HS6ST3: variants seen among roughly 807,000 people sequenced by gnomAD.
HS6ST3 encodes the protein heparan-sulfate 6-O-sulfotransferase 3.
HS6ST3 carries 12 observed loss-of-function variants against 36.7 expected under a neutral mutation model. That is an observed-to-expected ratio of 0.33 (90% CI 0.21 to 0.53). HS6ST3 has a LOEUF of 0.53. Ranked by LOEUF, HS6ST3 falls within the 20% of genes least tolerant of loss-of-function variation. The pLI, the probability that HS6ST3 is intolerant of heterozygous loss-of-function variation, is 0.95. For synonymous variants in HS6ST3, 240 were observed against 257.5 expected (o/e 0.93, Z 0.65); for missense variants, 584 against 640.9 (o/e 0.91, Z 0.96).
intron 1 of HS6ST3, among the ~76,000 whole-genome samples, chr13:96,446,276 T>A (rs937903568): frequency 6.6e-6 from 1 of 152,200 alleles, no homozygotes. Context: ...AAAGTTGAGT[T>A]CCAAAGTAAG....
intron 1 of HS6ST3, among the ~76,000 whole-genome samples, chr13:96,408,884 A>G (rs978000768): frequency 3.3e-5 from 5 of 152,192 alleles, no homozygotes; most frequent in East Asian, 3.8e-4. Context: ...AGATGGTGCC[A>G]CTGCACTCCA....
intron 1 of HS6ST3, among the ~76,000 whole-genome samples, chr13:96,266,045 AT>A (rs909351187): frequency 2.0e-5 from 3 of 151,168 alleles, no homozygotes; most frequent in Non-Finnish European, 3.0e-5. Flanking sequence ...TTGCAGGGTT[AT>A]TTTTTTTTAA....
chr13:96,253,096 T>C (rs1269255101), intron 1 of HS6ST3, among the ~76,000 whole-genome samples: 1 of 152,016 alleles, frequency 6.6e-6, no homozygotes, highest in Non-Finnish European at 1.5e-5. Flanking sequence ...TGCTAGGGTA[T>C]GTGTTGGCTG....
chr13:96,425,369 T>G (rs2055581557), intron 1 of HS6ST3, among the ~76,000 whole-genome samples: 1 of 152,200 alleles, frequency 6.6e-6, no homozygotes, highest in African/African-American at 2.4e-5. Flanking sequence ...AATCTCTCTT[T>G]GGCATATATG....
intron 1 of HS6ST3, among the ~76,000 whole-genome samples, chr13:96,148,029 A>T (rs2054066497): frequency 6.6e-6 from 1 of 152,210 alleles, no homozygotes; most frequent in Non-Finnish European, 1.5e-5. Context: ...TGATGACCCA[A>T]AAATTGGGTA....
chr13:96,700,006 T>C (rs1160352101), intron 1 of HS6ST3, among the ~76,000 whole-genome samples: 1 of 152,228 alleles, frequency 6.6e-6, no homozygotes, highest in Non-Finnish European at 1.5e-5. Context: ...ATTAGCCTTC[T>C]TGGTGACAAT....
chr13:96,329,135 C>T (rs2055050180), intron 1 of HS6ST3, among the ~76,000 whole-genome samples: 1 of 149,340 alleles, frequency 6.7e-6, no homozygotes, highest in Non-Finnish European at 1.5e-5. Flanking sequence ...AAAACCAGCT[C>T]CCGGATTCAT....
At chr13:96,100,828 A>G (rs1384914125) in intron 1 of HS6ST3, among the ~76,000 whole-genome samples, 2 of 152,236 alleles carry the variant, frequency 1.3e-5, no homozygotes. Context: ...AATGGAGACT[A>G]ACTTGCACAG....
intron 1 of HS6ST3, among the ~76,000 whole-genome samples, chr13:96,703,242 A>C (rs537948694): frequency 6.6e-6 from 1 of 152,164 alleles, no homozygotes; most frequent in African/African-American, 2.4e-5. Flanking sequence ...ACTTCTCTAA[A>C]TGATCTATTG....
At chr13:96,353,003 C>T (rs1446410923) in intron 1 of HS6ST3, among the ~76,000 whole-genome samples, 3 of 147,896 alleles carry the variant, frequency 2.0e-5, no homozygotes, top group Non-Finnish European at 1.5e-5. Flanking sequence ...ATCCTTAACT[C>T]TAAGTGGAAA....
chr13:96,637,862 C>T (rs1053717375), intron 1 of HS6ST3, among the ~76,000 whole-genome samples: 2 of 151,990 alleles, frequency 1.3e-5, no homozygotes, highest in Non-Finnish European at 2.9e-5. Context: ...ATGGTGTTTC[C>T]GTGGTGCCTG....
intron 1 of HS6ST3, among the ~76,000 whole-genome samples, chr13:96,455,255 T>A (rs1309805321): frequency 6.6e-6 from 1 of 152,198 alleles, no homozygotes; most frequent in Non-Finnish European, 1.5e-5. Context: ...AGACAGCGTC[T>A]CACTCTGTCA....
At chr13:96,187,990 T>C (rs2054272093) in intron 1 of HS6ST3, among the ~76,000 whole-genome samples, 1 of 152,208 alleles carries the variant, frequency 6.6e-6, no homozygotes, top group Non-Finnish European at 1.5e-5. Context: ...ATGTCATTTG[T>C]AGAGTGGTGC....
At chr13:96,188,518 C>G (rs1350306666) in intron 1 of HS6ST3, among the ~76,000 whole-genome samples, 1 of 152,082 alleles carries the variant, frequency 6.6e-6, no homozygotes, top group Non-Finnish European at 1.5e-5. Context: ...TCTTGATCAA[C>G]TTAATCTTTT....
chr13:96,156,048 A>G (rs1224592289), intron 1 of HS6ST3, among the ~76,000 whole-genome samples: 1 of 152,206 alleles, frequency 6.6e-6, no homozygotes, highest in Non-Finnish European at 1.5e-5. Flanking sequence ...ACAATATAGA[A>G]TCATCTAACA....
intron 1 of HS6ST3, among the ~76,000 whole-genome samples, chr13:96,589,275 G>T (rs2056374193): frequency 6.6e-6 from 1 of 151,916 alleles, no homozygotes; most frequent in African/African-American, 2.4e-5. Context: ...AGTCTGAGTA[G>T]GTTGTAAGCA....
intron 1 of HS6ST3, among the ~76,000 whole-genome samples, chr13:96,339,331 C>T (rs2055118478): frequency 6.6e-6 from 1 of 152,144 alleles, no homozygotes; most frequent in Non-Finnish European, 1.5e-5. Context: ...CTCTCTAGAG[C>T]AAGCAGACAC....
At chr13:96,709,907 TCTTATGATTAC>T (rs1227505203) in intron 1 of HS6ST3, among the ~76,000 whole-genome samples, 1 of 152,230 alleles carries the variant, frequency 6.6e-6, no homozygotes, top group Admixed American at 6.5e-5. Flanking sequence ...ATTCCATCTT[TCTTATGATTAC>T]CTTTTGGTAG....
chr13:96,793,554 G>A (rs1264908737), intron 1 of HS6ST3, among the ~76,000 whole-genome samples: 1 of 152,078 alleles, frequency 6.6e-6, no homozygotes, highest in Non-Finnish European at 1.5e-5. Context: ...ATTAGAGAAG[G>A]AGGGTTGGTG....
Sources: gnomAD v4.1 joint callset for allele counts (sites outside exome capture counted in the v4.1 genomes callset) on GRCh38, gnomAD v4.1.1 for gene constraint, MANE v1.5 for transcripts, NCBI Gene and HGNC (gene_info 2026-07-23, HGNC 2026-07-21) for gene names.